Variants in NPC1 observed in about 807,000 individuals in gnomAD.
The protein encoded by NPC1 is Niemann-Pick C1 protein.
In NPC1, 85 loss-of-function variants were observed where a neutral mutation model predicts 140.4. The ratio of observed to expected loss-of-function variants is 0.61; its 90% confidence interval spans 0.51 to 0.72. The LOEUF is 0.72. Among genes scored for constraint, NPC1 ranks in the 30% least tolerant of loss-of-function variants. The pLI is 0.00. For missense variants in NPC1, 1,504 were observed against 1,623.8 expected, an observed-to-expected ratio of 0.93 and a Z score of 1.27; for synonymous variants, 656 against 624.8, an observed-to-expected ratio of 1.05 and a Z score of -0.74.
downstream of NPC1, chr18:23,530,624 A>G (rs765775965): frequency 8.7e-6 from 14 of 1,610,276 alleles, no homozygotes; most frequent in Admixed American, 6.7e-5. Flanking sequence ...TGAGAATGCA[A>G]TGAAAAGACT....
At chr18:23,515,721 T>A in intron 3 of NPC1, 4 of 951,654 alleles carry the variant, frequency 4.2e-6, no homozygotes, top group South Asian at 3.1e-5. Context: ...TTAGTAGAGA[T>A]GGGGTTTTAC....
At chr18:23,533,297 AATTCCCTTTCAGTAAT>A in intron 24 of NPC1, 42 bp downstream of exon 24, 1 of 1,495,250 alleles carries the variant, frequency 6.7e-7, no homozygotes. Context: ...CTCAGGATAG[AATTCCCTTTCAGTAAT>A]GTCCTTCTAT....
intron 4 of NPC1, among the ~76,000 whole-genome samples, chr18:23,567,450 G>GT (rs1157010866): frequency 3.3e-5 from 5 of 152,142 alleles, no homozygotes; most frequent in South Asian, 2.1e-4. Context: ...TGAGGTATCT[G>GT]TTCAGGTTGT....
At chr18:23,518,751 T>G, downstream of NPC1, 1 of 676,210 alleles carries the variant, frequency 1.5e-6, no homozygotes, top group South Asian at 1.9e-5. Context: ...AGTAACTGCA[T>G]GTTTCTTTGT....
chr18:23,541,518 T>C (rs2058713901), intron 14 of NPC1, 85 bp from the exon 15 acceptor site: 1 of 1,573,718 alleles, frequency 6.4e-7, no homozygotes, highest in African/African-American at 1.4e-5. Context: ...CATGTACAGA[T>C]ACAAGGAGCC....
chr18:23,508,886 G>A (rs1399942930), intron 3 of NPC1: 1 of 165,276 alleles, frequency 6.1e-6, no homozygotes, highest in African/African-American at 2.4e-5. Flanking sequence ...TAAGAATGTT[G>A]GCAGTATGGT....
intron 23 of NPC1, chr18:23,534,142 AC>A: frequency 2.0e-6 from 1 of 510,544 alleles, no homozygotes; most frequent in South Asian, 2.0e-5. Context: ...CGCACATCAC[AC>A]GCTGGGTTCT....
At chr18:23,562,326 A>G (rs1001308119) in intron 4 of NPC1, among the ~76,000 whole-genome samples, 1 of 151,586 alleles carries the variant, frequency 6.6e-6, no homozygotes, top group Non-Finnish European at 1.5e-5. Context: ...AACCCCTAAT[A>G]CTGTTATCTT....
intron 4 of NPC1, among the ~76,000 whole-genome samples, chr18:23,565,709 A>G (rs1598995898): frequency 6.6e-6 from 1 of 152,208 alleles, no homozygotes; most frequent in African/African-American, 2.4e-5. Context: ...TTCCCATACT[A>G]AAGTAAATGG....
chr18:23,534,258 C>T lies in NPC1; in HGVS notation c.3591+188G>A, dbSNP rs2058590063. On this transcript the variant is annotated intron_variant, in intron 23 of 24. Coordinates refer to ENST00000269228, the MANE Select transcript of NPC1 (RefSeq NM_000271.5). ...AGCACACTGCCACCTAAAAAGGAGC[C>T]GTACCAACAGGTACAGTTCCACAGA... 30 of 652,420 alleles carry T rather than the reference C, an allele frequency of 4.6e-5. 1 individual carries two copies. Among genetic ancestry groups the T allele is most frequent in the South Asian group, 4.0e-4 (24 of 60,484 alleles). The allele number at this position is 652,420 out of a possible 1,614,324, so 40.4% of individuals were successfully genotyped here. A position where few individuals can be genotyped will look rare whatever the true frequency, so the allele number is the denominator to read the frequency against.
At chr18:23,529,176 C>T (rs1333653195), downstream of NPC1, 1 of 1,607,002 alleles carries the variant, frequency 6.2e-7, no homozygotes. Context: ...TTTTTTCTTT[C>T]AGGCGGTGGA....
intron 10 of NPC1, among the ~76,000 whole-genome samples, chr18:23,549,512 G>A (rs2058836286): frequency 6.6e-6 from 1 of 151,998 alleles, no homozygotes; most frequent in Non-Finnish European, 1.5e-5. Context: ...GGTGATACAT[G>A]CCTGTAATCC....
In NPC1 at chr18:23,560,351, G is replaced by T. The variant is rs752145311; in HGVS notation, c.761C>A (p.Pro254Gln). The T allele has an allele frequency of 3.1e-6, 5 of 1,614,216 alleles. No individual in the cohort carries two copies. Among genetic ancestry groups the T allele is most frequent in the Admixed American group, 1.7e-5 (1 of 60,030 alleles). Reference protein sequence around the residue: ...SIVCGPKPQPPPPPAPWTILG... With the variant: ...SIVCGPKPQPQPPPAPWTILG... ...GATCGTCCAGGGAGCAGGAGGAGGTGGGGGCTGGGGCTTGGGGCCACAGAC... is the reference window on the plus strand; with the variant it reads ...GATCGTCCAGGGAGCAGGAGGAGGTTGGGGCTGGGGCTTGGGGCCACAGAC... Residue 254 changes from proline to glutamine, a missense_variant, in exon 6 of 25, where the codon CCA becomes CAA. Coordinates refer to ENST00000269228, the MANE Select transcript of NPC1 (RefSeq NM_000271.5).
intron 13 of NPC1, among the ~76,000 whole-genome samples, chr18:23,544,078 T>C (rs2058749508): frequency 6.6e-6 from 1 of 152,198 alleles, no homozygotes; most frequent in African/African-American, 2.4e-5. Flanking sequence ...CTATTTAAAA[T>C]GAAAAGATAC....
At position 23,575,089 on chromosome 18, in the gene NPC1, C is replaced by T. The variant is rs190952948; in HGVS notation, c.58-1515G>A. Reference sequence around the variant, plus strand: ...CCTCGCAGAACTCTCCAGGGATTGGCCTGTCTCTGCCTCAGGGGCACTCTG... The same window carrying T: ...CCTCGCAGAACTCTCCAGGGATTGGTCTGTCTCTGCCTCAGGGGCACTCTG... On this transcript the variant is annotated intron_variant, in intron 1 of 24. Coordinates refer to ENST00000269228, the MANE Select transcript of NPC1 (RefSeq NM_000271.5). 2.5e-3 allele frequency among the ~76,000 whole-genome samples: 381 copies of T among 152,342 alleles called. 1 individual carries two copies. Among genetic ancestry groups the T allele is most frequent in the African/African-American group, 8.6e-3 (356 of 41,568 alleles).
At chr18:23,581,474 C>A (rs1437279890) in intron 1 of NPC1, among the ~76,000 whole-genome samples, 4 of 151,910 alleles carry the variant, frequency 2.6e-5, no homozygotes, top group South Asian at 2.1e-4. Flanking sequence ...AGCTATGTGA[C>A]CTTGGGACAA....
At chr18:23,572,443 GGTTT>G (rs956230840) in intron 2 of NPC1, among the ~76,000 whole-genome samples, 6 of 148,464 alleles carry the variant, frequency 4.0e-5, no homozygotes, top group African/African-American at 1.6e-4. Context: ...GTCTTCTTAG[GGTTT>G]TTTGTTTGTT....
At chr18:23,525,420 TATA>T (rs527599580), downstream of NPC1, among the ~76,000 whole-genome samples, 21 of 151,766 alleles carry the variant, frequency 1.4e-4, no homozygotes, top group African/African-American at 2.4e-4. Context: ...GTTAATTTAT[TATA>T]ATAATAATAA....
intron 19 of NPC1, chr18:23,538,935 C>G: frequency 2.0e-6 from 1 of 505,986 alleles, no homozygotes. Context: ...TCAAGTATGG[C>G]CTTGACTGGT....
Sources: allele counts gnomAD v4.1 joint callset (sites outside exome capture counted in the v4.1 genomes callset), GRCh38; gene constraint gnomAD v4.1.1; transcripts MANE v1.5; gene names NCBI Gene and HGNC (gene_info 2026-07-23, HGNC 2026-07-21).